The following DTNBP1 variants were observed in gnomAD, a reference collection of about 807,000 sequenced individuals.
DTNBP1 encodes dystrobrevin binding protein 1.
In DTNBP1, 35 loss-of-function variants were observed where a neutral mutation model predicts 42.8. The ratio of observed to expected loss-of-function variants is 0.82; its 90% CI spans 0.63 to 1.09. The LOEUF is 1.09. Among genes scored for constraint, DTNBP1 ranks in the 50% least tolerant of loss-of-function variants. The pLI is 0.00. For synonymous variants in DTNBP1, 171 were observed against 162.2 expected (o/e 1.05, Z -0.41); for missense variants, 457 against 424.2 (o/e 1.08, Z -0.68).
intron 1 of DTNBP1, 131 bp downstream of exon 1, chr6:15,662,683 C>G: frequency 7.9e-7 from 1 of 1,266,182 alleles, no homozygotes; most frequent in East Asian, 2.6e-5. Context: ...CTTTCCTCGG[C>G]GGGGCGGGGC....
At chr6:15,643,812 T>C (rs189551364) in intron 3 of DTNBP1, among the ~76,000 whole-genome samples, 22 of 152,274 alleles carry the variant, frequency 1.4e-4, no homozygotes, top group African/African-American at 4.3e-4. Context: ...AATGAAAGAA[T>C]GATACCTGCT....
chr6:15,606,318 A>C (rs546307641), intron 6 of DTNBP1, among the ~76,000 whole-genome samples: 1 of 152,362 alleles, frequency 6.6e-6, no homozygotes, highest in African/African-American at 2.4e-5. Context: ...ACAAAATATC[A>C]TATATCCATT....
At chr6:15,568,500 A>G (rs1775196422) in intron 7 of DTNBP1, among the ~76,000 whole-genome samples, 1 of 152,186 alleles carries the variant, frequency 6.6e-6, no homozygotes. Context: ...AAAAGATACT[A>G]CCATTGACCC....
At chr6:15,574,324 A>C (rs1003507399) in intron 7 of DTNBP1, among the ~76,000 whole-genome samples, 2 of 152,232 alleles carry the variant, frequency 1.3e-5, no homozygotes, top group African/African-American at 4.8e-5. Flanking sequence ...GTAGACAGCA[A>C]GAACAGTAAA....
At chr6:15,624,373 A>G (rs192525654) in intron 5 of DTNBP1, among the ~76,000 whole-genome samples, 14 of 152,354 alleles carry the variant, frequency 9.2e-5, no homozygotes, top group African/African-American at 2.9e-4. Context: ...GTAAGTATCA[A>G]TTAAATAGGC....
Position 15,535,755 on chromosome 6 carries a change from C to A in DTNBP1, c.512-2360G>T, listed in dbSNP as rs530989753. Among the ~76,000 whole-genome samples the A allele has an allele frequency of 2.2e-4, 33 of 152,270 alleles. 1 individual carries two copies. The highest frequency in any genetic ancestry group is 7.2e-4 in the African/African-American group (30 of 41,554). ...GGTTACGGGTAGAGGTTGGAACAGT[C>A]TGGAGGGCTCAGAAAAAGACAGGAA... On this transcript the variant is annotated intron_variant, in intron 7 of 9. Transcript: ENST00000344537.
intron 4 of DTNBP1, among the ~76,000 whole-genome samples, chr6:15,631,155 A>G (rs1759674272): frequency 6.6e-6 from 1 of 152,242 alleles, no homozygotes; most frequent in South Asian, 2.1e-4. Flanking sequence ...AATTTACAAA[A>G]TGACAAGTTT....
rs1412834759 is a variant in DTNBP1, at chr6:15,523,169, G to A, written c.862C>T (p.Pro288Ser). 6.2e-7 allele frequency: 1 copy of A among 1,614,236 alleles called. No individual in the cohort carries two copies. The highest frequency in any genetic ancestry group is 8.5e-7 in the Non-Finnish European group (1 of 1,180,038). Residue 288 changes from proline (P) to serine (S), a missense_variant, in exon 10 of 10, where the codon CCC becomes TCC. Pro to Ser is a moderately conservative substitution (Grantham distance 74). Transcript: ENST00000344537. ...GGTGGCTTGGCTCTTAATTCTGAGG[G>A]ATTTGGAACCTGGAGGGTAATCTCA... is the stretch of plus-strand genomic sequence containing the variant. The part of the protein sequence containing the change: ...QNEITLQVPN[P>S]SELRAKPPSS...
intron 8 of DTNBP1, among the ~76,000 whole-genome samples, chr6:15,532,426 G>A: frequency 6.6e-6 from 1 of 152,180 alleles, no homozygotes; most frequent in East Asian, 1.9e-4. Flanking sequence ...ATGACAAAAA[G>A]ATGCAGCCTT....
rs777545142 is a variant in DTNBP1, at chr6:15,662,957, G to A, written c.-88C>T. The A allele has an allele frequency of 6.4e-7, 1 of 1,569,586 alleles. No individual in the cohort carries two copies. The highest frequency in any genetic ancestry group is 1.1e-5 in the South Asian group (1 of 90,130). ...GGTCCCACGCCGCCAACCCCGCGCT[G>A]TCACCGCGCGCCCCGCACTCCCACT... On this transcript the variant is annotated 5_prime_UTR_variant, in exon 1 of 10. Coordinates refer to ENST00000344537, the MANE Select transcript of DTNBP1 (RefSeq NM_032122.5).
At chr6:15,638,154 G>A (rs763358400) in intron 3 of DTNBP1, among the ~76,000 whole-genome samples, 3 of 151,564 alleles carry the variant, frequency 2.0e-5, no homozygotes, top group Non-Finnish European at 4.4e-5. Context: ...TTGAGATGGA[G>A]TTTCACTCTG....
At chr6:15,579,439 G>A (rs1775724622) in intron 7 of DTNBP1, among the ~76,000 whole-genome samples, 1 of 152,158 alleles carries the variant, frequency 6.6e-6, no homozygotes, top group African/African-American at 2.4e-5. Context: ...ACAGAGAGGA[G>A]GAACAAGTTC....
intron 7 of DTNBP1, among the ~76,000 whole-genome samples, chr6:15,579,522 T>G (rs1775729450): frequency 6.6e-6 from 1 of 152,198 alleles, no homozygotes; most frequent in Non-Finnish European, 1.5e-5. Context: ...AAAGTGGATT[T>G]TGGCCAGGTA....
chr6:15,619,375 C>T (rs1462562192), intron 5 of DTNBP1, among the ~76,000 whole-genome samples: 2 of 151,930 alleles, frequency 1.3e-5, no homozygotes, highest in Admixed American at 6.6e-5. Flanking sequence ...AAAAAATATA[C>T]GTAAATACTT....
At chr6:15,550,782 G>A (rs1203444906) in intron 7 of DTNBP1, among the ~76,000 whole-genome samples, 1 of 152,198 alleles carries the variant, frequency 6.6e-6, no homozygotes, top group Admixed American at 6.5e-5. Flanking sequence ...GGGATGAGAG[G>A]CAGATTCTGC....
intron 3 of DTNBP1, among the ~76,000 whole-genome samples, chr6:15,644,430 A>G (rs1206710138): frequency 2.0e-5 from 3 of 152,150 alleles, no homozygotes; most frequent in Non-Finnish European, 2.9e-5. Flanking sequence ...AACCTAATGG[A>G]CCTAATGGAC....
In DTNBP1 at chr6:15,523,072, T is replaced by G; in HGVS notation, c.959A>C (p.Gln320Pro). The part of the protein sequence containing the change: ...ISEGGESPVV[Q>P]SDEEEVQVDT... ...CACCTGAACTTCCTCCTCATCGGAC[T>G]GAACAACGGGGGACTCCCCACCCTC... The change falls in exon 10 of 10, where the codon CAG becomes CCG. Residue 320 changes from glutamine (Q) to proline (P), a missense_variant. Gln to Pro is a moderately conservative substitution (Grantham distance 76). Coordinates refer to ENST00000344537, the MANE Select transcript of DTNBP1 (RefSeq NM_032122.5). The G allele has an allele frequency of 6.2e-7, 1 of 1,614,186 alleles. No homozygotes were observed. Among genetic ancestry groups the G allele is most frequent in the Non-Finnish European group, 8.5e-7 (1 of 1,180,026 alleles).
chr6:15,622,502 C>T (rs1759096618), intron 5 of DTNBP1, among the ~76,000 whole-genome samples: 2 of 152,304 alleles, frequency 1.3e-5, no homozygotes, highest in South Asian at 4.1e-4. Flanking sequence ...ATTTCCCTGT[C>T]ACAGCCTGCT....
chr6:15,581,783 A>C (rs1775851178), intron 7 of DTNBP1, among the ~76,000 whole-genome samples: 1 of 152,136 alleles, frequency 6.6e-6, no homozygotes, highest in Non-Finnish European at 1.5e-5. Flanking sequence ...CCAGGCAGAA[A>C]TTCTTTTAAA....
Sources: gnomAD v4.1 joint callset for allele counts (sites outside exome capture counted in the v4.1 genomes callset) on GRCh38, gnomAD v4.1.1 for gene constraint, MANE v1.5 for transcripts, NCBI Gene and HGNC (gene_info 2026-07-23, HGNC 2026-07-21) for gene names.